Variants in RIMS1 observed in about 807,000 individuals in gnomAD.
RIMS1 encodes regulating synaptic membrane exocytosis 1.
In RIMS1, 83 loss-of-function variants were observed where a neutral mutation model predicts 214.1. That is an observed-to-expected ratio of 0.39 (90% CI 0.32 to 0.47). RIMS1 has a LOEUF of 0.47. Among genes scored for constraint, RIMS1 ranks in the 20% least tolerant of loss-of-function variants. RIMS1 has a pLI of 0.99. For missense variants in RIMS1, 2,050 were observed against 2,161.8 expected (o/e 0.95, Z 1.03); for synonymous variants, 793 against 786.8 (o/e 1.01, Z -0.13).
intron 2 of RIMS1, among the ~76,000 whole-genome samples, chr6:72,050,576 TCTCCTCAGATACTTGACTCC>T (rs1366365279): frequency 6.6e-6 from 1 of 152,012 alleles, no homozygotes; most frequent in African/African-American, 2.4e-5. Context: ...GTGTGTCTTC[TCTCCTCAGATACTTGACTCC>T]CTCCTCCCTG....
At chr6:72,303,032 A>T (rs2094789641) in intron 26 of RIMS1, among the ~76,000 whole-genome samples, 1 of 150,940 alleles carries the variant, frequency 6.6e-6, no homozygotes, top group Non-Finnish European at 1.5e-5. Flanking sequence ...AGATCCAAAC[A>T]AATTTATTTT....
At chr6:72,181,700 A>G (rs571007358) in intron 5 of RIMS1, among the ~76,000 whole-genome samples, 2 of 152,322 alleles carry the variant, frequency 1.3e-5, no homozygotes, top group Admixed American at 6.5e-5. Flanking sequence ...TGGCCAGTGT[A>G]AAGAGCTGGG....
At chr6:72,136,410 A>C (rs2041286943) in intron 4 of RIMS1, among the ~76,000 whole-genome samples, 1 of 152,116 alleles carries the variant, frequency 6.6e-6, no homozygotes, top group African/African-American at 2.4e-5. Context: ...AAAATATTTC[A>C]AGAAAAAAAA....
At chr6:72,317,623 C>T (rs1217422914) in intron 28 of RIMS1, among the ~76,000 whole-genome samples, 2 of 152,154 alleles carry the variant, frequency 1.3e-5, no homozygotes, top group African/African-American at 4.8e-5. Flanking sequence ...AAAATAATTT[C>T]AAATGCCCCT....
chr6:72,184,387 G>A (rs1229294399), intron 6 of RIMS1, among the ~76,000 whole-genome samples: 2 of 152,198 alleles, frequency 1.3e-5, no homozygotes, highest in African/African-American at 4.8e-5. Flanking sequence ...TTGTGACGCT[G>A]TTGCTGCAGC....
At chr6:72,062,272 C>T (rs953696302) in intron 2 of RIMS1, among the ~76,000 whole-genome samples, 1 of 151,948 alleles carries the variant, frequency 6.6e-6, no homozygotes, top group Non-Finnish European at 1.5e-5. Context: ...AGTAGTTCAA[C>T]TTATTTGGTC....
intron 2 of RIMS1, among the ~76,000 whole-genome samples, chr6:72,080,514 T>G (rs1170084754): frequency 6.6e-6 from 1 of 152,184 alleles, no homozygotes; most frequent in African/African-American, 2.4e-5. Flanking sequence ...AGAGGGAGCG[T>G]ATGAAAATGT....
At chr6:72,095,746 TC>T (rs928941328) in intron 2 of RIMS1, among the ~76,000 whole-genome samples, 8 of 152,202 alleles carry the variant, frequency 5.3e-5, no homozygotes, top group Non-Finnish European at 1.0e-4. Flanking sequence ...TGATTCTATT[TC>T]CAGGGAGTAT....
chr6:72,385,794 T>C (rs899243920), intron 29 of RIMS1, among the ~76,000 whole-genome samples: 1 of 152,230 alleles, frequency 6.6e-6, no homozygotes, highest in African/African-American at 2.4e-5. Context: ...ATGTTTCTTC[T>C]AATCCTCACA....
intron 4 of RIMS1, among the ~76,000 whole-genome samples, chr6:72,170,018 G>A (rs2046804953): frequency 6.6e-6 from 1 of 152,190 alleles, no homozygotes; most frequent in African/African-American, 2.4e-5. Context: ...AAGACCTACT[G>A]GGTCTGACTC....
intron 3 of RIMS1, among the ~76,000 whole-genome samples, chr6:72,097,814 C>A (rs1461638274): frequency 6.6e-6 from 1 of 152,010 alleles, no homozygotes; most frequent in Non-Finnish European, 1.5e-5. Flanking sequence ...TAAATAAATG[C>A]AATTTTTGAA....
intron 4 of RIMS1, among the ~76,000 whole-genome samples, chr6:72,119,594 T>A (rs998954956): frequency 6.6e-6 from 1 of 151,744 alleles, no homozygotes; most frequent in Non-Finnish European, 1.5e-5. Context: ...GGTACTGGTA[T>A]AAAAATAGAC....
At chr6:72,352,981 TTC>T in intron 29 of RIMS1, among the ~76,000 whole-genome samples, 1 of 129,122 alleles carries the variant, frequency 7.7e-6, no homozygotes, top group Admixed American at 7.9e-5. Flanking sequence ...ACATTCTTTT[TTC>T]TTTTTTTTTT....
At chr6:72,022,532 GT>G (rs1230290562) in intron 2 of RIMS1, among the ~76,000 whole-genome samples, 1 of 152,074 alleles carries the variant, frequency 6.6e-6, no homozygotes, top group Non-Finnish European at 1.5e-5. Flanking sequence ...TTAGTGTATG[GT>G]TGTTAACTTC....
intron 1 of RIMS1, among the ~76,000 whole-genome samples, chr6:71,919,474 A>C (rs1445441938): frequency 1.6e-5 from 2 of 123,424 alleles, no homozygotes; most frequent in Admixed American, 1.5e-4. Flanking sequence ...GCCAGCTGGC[A>C]GTTTGAAATG....
chr6:72,004,192 C>A (rs1271100017), intron 2 of RIMS1, among the ~76,000 whole-genome samples: 4 of 151,914 alleles, frequency 2.6e-5, no homozygotes, highest in Admixed American at 2.6e-4. Context: ...CTACAAAGGA[C>A]ATGAACTCAT....
chr6:72,226,336 T>A (rs911147974), intron 6 of RIMS1, among the ~76,000 whole-genome samples: 1 of 152,084 alleles, frequency 6.6e-6, no homozygotes, highest in African/African-American at 2.4e-5. Flanking sequence ...TACATAACTT[T>A]TAAAACTAGG....
intron 6 of RIMS1, chr6:72,213,087 A>C: frequency 6.5e-7 from 1 of 1,536,470 alleles, no homozygotes; most frequent in Non-Finnish European, 8.7e-7. Flanking sequence ...CAAGGCTTAA[A>C]TCTCTCAAGC....
At chr6:71,931,193 C>A (rs1008167043) in intron 1 of RIMS1, among the ~76,000 whole-genome samples, 2 of 151,930 alleles carry the variant, frequency 1.3e-5, no homozygotes, top group African/African-American at 4.8e-5. Context: ...TCATGTAAGA[C>A]CTCAGGAGAA....
Sources: gnomAD v4.1 joint callset for allele counts (sites outside exome capture counted in the v4.1 genomes callset) on GRCh38, gnomAD v4.1.1 for gene constraint, MANE v1.5 for transcripts, NCBI Gene and HGNC (gene_info 2026-07-23, HGNC 2026-07-21) for gene names.